RPS6KA2: variants seen among roughly 807,000 people sequenced by gnomAD.
RPS6KA2 encodes the protein ribosomal protein S6 kinase alpha-2.
Under a neutral mutation model 91.8 loss-of-function variants are expected in RPS6KA2, and 42 were observed. The ratio of observed to expected loss-of-function variants is 0.46; its 90% CI spans 0.36 to 0.59. The LOEUF is 0.59. RPS6KA2 is among the 20% of genes least tolerant of loss of function. The probability of loss-of-function intolerance (pLI) is 0.00; values close to 1 mark genes in which losing one functional copy is unlikely to be tolerated. For missense variants in RPS6KA2, 798 were observed against 978.5 expected, an observed-to-expected ratio of 0.82 and a Z score of 2.46; for synonymous variants, 414 against 393.6, an observed-to-expected ratio of 1.05 and a Z score of -0.61.
intron 14 of RPS6KA2, among the ~76,000 whole-genome samples, chr6:166,447,725 T>C (rs1011022195): frequency 2.6e-5 from 4 of 152,202 alleles, no homozygotes; most frequent in African/African-American, 7.2e-5. Flanking sequence ...TCACAGTTGA[T>C]GAAAATTACT....
chr6:166,794,836 C>A (rs1353030704), intron 2 of RPS6KA2, among the ~76,000 whole-genome samples: 5 of 136,228 alleles, frequency 3.7e-5, no homozygotes, highest in Non-Finnish European at 7.6e-5. Context: ...AGGGGAACAT[C>A]ACACTCCGGG....
At chr6:166,538,867 C>G (rs1783566117) in intron 1 of RPS6KA2, 83 bp from the exon 2 acceptor site, 1 of 704,744 alleles carries the variant, frequency 1.4e-6, no homozygotes, top group African/African-American at 1.7e-5. Context: ...CCTGAGTTTA[C>G]CACGAGCTGG....
chr6:166,433,772 G>A lies in RPS6KA2; in HGVS notation c.1333-1282C>T, dbSNP rs1323739465. Among the ~76,000 whole-genome samples the A allele has an allele frequency of 6.6e-6, 1 of 151,598 alleles. No individual in the cohort carries two copies. Among genetic ancestry groups the A allele is most frequent in the Non-Finnish European group, 1.5e-5 (1 of 67,928 alleles). The stretch of plus-strand genomic sequence containing the variant: ...AAACTCTATTTCGTTAATTTTTTTT[G>A]GAGACAGGGTCTCACTCTGTTGCCT... On this transcript the variant is annotated intron_variant, in intron 14 of 20. Transcript: ENST00000265678. The surrounding 1 kb of genome is among the most constrained non-coding windows in gnomAD (Gnocchi z 4.4).
chr6:166,542,175 G>C (rs1056712533), intron 1 of RPS6KA2: 2 of 152,284 alleles, frequency 1.3e-5, no homozygotes, highest in Non-Finnish European at 2.9e-5. Context: ...TGAAGCCCCA[G>C]CACCATACTC....
rs191567384 is a variant in RPS6KA2, at chr6:166,570,243, C to T, written c.100-31459G>A. 7.7e-3 allele frequency among the ~76,000 whole-genome samples: 1,171 copies of T among 152,276 alleles called. 11 individuals are homozygous for T. Among genetic ancestry groups the T allele is most frequent in the Non-Finnish European group, 0.011 (776 of 68,010 alleles). On this transcript the variant is annotated intron_variant, in intron 1 of 20. Transcript: ENST00000265678. ...AGCTCCAGACCCTCGGGGAGCAGCA[C>T]TGAAAAATGGCAGCACCCCGGTATG... is the stretch of plus-strand genomic sequence containing the variant.
chr6:166,721,874 C>T (rs1031631211), intron 2 of RPS6KA2, among the ~76,000 whole-genome samples: 12 of 151,422 alleles, frequency 7.9e-5, no homozygotes, highest in South Asian at 6.3e-4. Context: ...GCCTCGGCCC[C>T]GGATCCAGAT....
intron 1 of RPS6KA2, among the ~76,000 whole-genome samples, chr6:166,613,671 T>A (rs1308851841): frequency 6.6e-6 from 1 of 152,228 alleles, no homozygotes; most frequent in Non-Finnish European, 1.5e-5. Context: ...GCCTTCAATC[T>A]AATTGCACGC....
chr6:166,848,937 AATATATAT>A (rs757441712), intron 2 of RPS6KA2, among the ~76,000 whole-genome samples: 1 of 151,184 alleles, frequency 6.6e-6, no homozygotes, highest in Non-Finnish European at 1.5e-5. Context: ...TAATTTTAAA[AATATATAT>A]ATATATGTGG....
rs1781858237 is a variant in RPS6KA2, at chr6:166,498,086, GAC to G, written c.747+420_747+421del. Among the ~76,000 whole-genome samples, 2 of 152,058 alleles carry G rather than the reference GAC, an allele frequency of 1.3e-5. 1 individual carries two copies. Among genetic ancestry groups the G allele is most frequent in the Admixed American group, 1.3e-4 (2 of 15,272 alleles). On this transcript the variant is annotated intron_variant, in intron 8 of 20. Transcript: ENST00000265678. ...TTAAGCACTCTGCCTGCGAAAACGC[GAC>G]AGAGACAATTCACATTTCCAGACGC... is the stretch of plus-strand genomic sequence containing the variant.
chr6:166,846,535 G>C (rs1780609942), intron 2 of RPS6KA2, among the ~76,000 whole-genome samples: 1 of 152,168 alleles, frequency 6.6e-6, no homozygotes, highest in Non-Finnish European at 1.5e-5. Context: ...TTCATACCAG[G>C]AATGCAGGGA....
chr6:166,449,202 A>G (rs989123220), intron 13 of RPS6KA2, among the ~76,000 whole-genome samples: 4 of 152,198 alleles, frequency 2.6e-5, no homozygotes, highest in Non-Finnish European at 4.4e-5. Context: ...GCCTGTGTGC[A>G]GAGCAAGACT....
intron 2 of RPS6KA2, among the ~76,000 whole-genome samples, chr6:166,802,403 C>T (rs1360637120): frequency 6.6e-6 from 1 of 152,026 alleles, no homozygotes; most frequent in East Asian, 1.9e-4. Flanking sequence ...GAAAAATAGA[C>T]TACACAAAAC....
At chr6:166,702,227 A>T in intron 2 of RPS6KA2, 1 of 1,611,778 alleles carries the variant, frequency 6.2e-7, no homozygotes, top group Non-Finnish European at 8.5e-7. Context: ...GGTGGGAACC[A>T]GCAGGCACAG....
intron 19 of RPS6KA2, among the ~76,000 whole-genome samples, chr6:166,417,107 C>T (rs182337268): frequency 6.6e-6 from 1 of 152,262 alleles, no homozygotes; most frequent in Admixed American, 6.5e-5. Context: ...AGTAAAAAAG[C>T]GTCTGATGGG....
chr6:166,654,489 C>CT (rs1371848527), intron 2 of RPS6KA2, among the ~76,000 whole-genome samples: 1 of 151,916 alleles, frequency 6.6e-6, no homozygotes, highest in African/African-American at 2.4e-5. Context: ...ACACGAGCTC[C>CT]TACACAATCA....
chr6:166,427,505 T>TC (rs1778967492), intron 16 of RPS6KA2, among the ~76,000 whole-genome samples: 1 of 151,844 alleles, frequency 6.6e-6, no homozygotes, highest in African/African-American at 2.4e-5. Flanking sequence ...AAAGAGGAAG[T>TC]CAAATTGTCC....
intron 2 of RPS6KA2, among the ~76,000 whole-genome samples, chr6:166,731,674 GC>G (rs2128589165): frequency 6.6e-6 from 1 of 151,874 alleles, no homozygotes; most frequent in Admixed American, 6.6e-5. Flanking sequence ...AATGACCCTG[GC>G]CTTGCCTTTT....
intron 2 of RPS6KA2, among the ~76,000 whole-genome samples, chr6:166,754,108 CCTGGAA>C (rs1777928897): frequency 2.0e-5 from 3 of 152,238 alleles, no homozygotes; most frequent in Admixed American, 2.0e-4. Flanking sequence ...CGCCTCAGTG[CCTGGAA>C]CGGTTTCTCA....
chr6:166,450,199 T>C (rs1338288781), intron 13 of RPS6KA2, among the ~76,000 whole-genome samples: 2 of 103,904 alleles, frequency 1.9e-5, no homozygotes, highest in Non-Finnish European at 3.8e-5. Context: ...GGGATCACCA[T>C]GGGAGGCTAC....
Sources: gnomAD v4.1 joint callset for allele counts (sites outside exome capture counted in the v4.1 genomes callset) on GRCh38, gnomAD v4.1.1 for gene constraint, Gnocchi (gnomAD v3.1) non-coding constraint, MANE v1.5 for transcripts, NCBI Gene and HGNC (gene_info 2026-07-23, HGNC 2026-07-21) for gene names.